The following RIIAD1 variants were observed in gnomAD, a reference collection of about 807,000 sequenced individuals.
RIIAD1 encodes the protein regulatory subunit of type II PKA R-subunit domain containing 1, also known as RIIa domain-containing protein 1.
Under a neutral mutation model 13.3 loss-of-function variants are expected in RIIAD1, and 15 were observed. The observed-to-expected ratio is 1.13, with a 90% CI of 0.76 to 1.74. The LOEUF (loss-of-function observed/expected upper bound fraction) is 1.74, where lower values mean the gene tolerates loss of function less well. Among genes scored for constraint, RIIAD1 ranks in the 40% most tolerant of loss-of-function variants. RIIAD1 has a pLI of 0.00. For missense variants in RIIAD1, 121 were observed against 112.2 expected, an observed-to-expected ratio of 1.08 and a Z score of -0.35; for synonymous variants, 50 against 43.3, an observed-to-expected ratio of 1.16 and a Z score of -0.61.
chr1:151,716,085 C>T, intron 4 of RIIAD1: 1 of 1,507,492 alleles, frequency 6.6e-7, no homozygotes, highest in East Asian at 2.3e-5. Context: ...GGGGAGCTGC[C>T]CAGCAAGGAG....
chr1:151,726,317 C>G (rs61501378), intron 2 of RIIAD1, among the ~76,000 whole-genome samples: 31,947 of 152,208 alleles, frequency 0.21, 3,569 homozygotes, highest in Middle Eastern at 0.3. Flanking sequence ...AAACTAACCT[C>G]TTCCTTTTTA....
rs115951146 is a variant in RIIAD1, at chr1:151,716,211, A to C, written c.21+1682A>C. On this transcript the variant is annotated intron_variant, in intron 4 of 8. Coordinates refer to the RIIAD1 transcript ENST00000326413. The stretch of plus-strand genomic sequence containing the variant: ...AAGGAGGCCCAGGGAGTTGAGTGCT[A>C]GGGGTCAGGGGTCTAGGCAGACGCT... 2,707 of 571,940 alleles carry C rather than the reference A, an allele frequency of 4.7e-3. 60 individuals are homozygous for C. Among genetic ancestry groups the C allele is most frequent in the African/African-American group, 0.046 (2,442 of 53,500 alleles). The allele number at this position is 571,940 out of a possible 1,614,324, so 35.4% of individuals were successfully genotyped here. A position where few individuals can be genotyped will look rare whatever the true frequency, so the allele number is the denominator to read the frequency against.
At chr1:151,722,821 C>T (rs1465780468) in intron 2 of RIIAD1, among the ~76,000 whole-genome samples, 1 of 152,224 alleles carries the variant, frequency 6.6e-6, no homozygotes, top group East Asian at 1.9e-4. Context: ...AAGCTCCGAG[C>T]TTGTGGAGTG....
At chr1:151,713,983 C>T (rs1483052698) in intron 3 of RIIAD1, among the ~76,000 whole-genome samples, 5 of 152,202 alleles carry the variant, frequency 3.3e-5, no homozygotes, top group African/African-American at 1.2e-4. Flanking sequence ...TCTACAATGT[C>T]TGTCCCTGCC....
chr1:151,721,415 A>C (rs1482367092), upstream of RIIAD1: 3 of 464,084 alleles, frequency 6.5e-6, no homozygotes, highest in East Asian at 1.1e-4. Context: ...CCCGGAGCTC[A>C]CCCCTCAGTT....
chr1:151,728,539 T>A lies in RIIAD1; in HGVS notation c.209-227T>A, dbSNP rs2101518366. The A allele has an allele frequency of 9.7e-6, 5 of 512,938 alleles. No homozygotes were observed. In the South Asian group the frequency reaches 1.2e-4, roughly 13 times the overall value. 31.8% of individuals were successfully genotyped at this position (512,938 alleles called of 1,614,324 possible). On this transcript the variant is annotated intron_variant, in intron 3 of 4. Coordinates refer to ENST00000479191, the MANE Select transcript of RIIAD1 (RefSeq NM_001144956.3). Reference sequence around the variant, plus strand: ...CAGCGTGGAGGGGAGGCAGCCAGCCTCTGGGAGCCCTTCCTGGGAATGTTG... The same window carrying A: ...CAGCGTGGAGGGGAGGCAGCCAGCCACTGGGAGCCCTTCCTGGGAATGTTG...
intron 2 of RIIAD1, among the ~76,000 whole-genome samples, chr1:151,723,169 TGGATCACCTGA>T (rs1191177796): frequency 1.3e-5 from 2 of 151,804 alleles, no homozygotes; most frequent in Non-Finnish European, 2.9e-5. Context: ...CCGAGGCGGG[TGGATCACCTGA>T]GGTCGGGAGT....
intron 4 of RIIAD1, chr1:151,714,688 C>T (rs1417869925): frequency 6.4e-7 from 1 of 1,551,402 alleles, no homozygotes; most frequent in Non-Finnish European, 8.7e-7. Context: ...TGAGGAGGGG[C>T]AGGGGCAGAG....
At chr1:151,714,558 T>G in intron 4 of RIIAD1, 1 of 1,507,224 alleles carries the variant, frequency 6.6e-7, no homozygotes, top group Non-Finnish European at 9.0e-7. Context: ...CTATGGCCCT[T>G]CTCAGTCCCC....
At chr1:151,719,784 G>A, upstream of RIIAD1, 2 of 616,948 alleles carry the variant, frequency 3.2e-6, no homozygotes, top group South Asian at 3.8e-5. Flanking sequence ...TTGGGTCATA[G>A]GATGTGATCA....
intron 2 of RIIAD1, among the ~76,000 whole-genome samples, chr1:151,723,294 T>C (rs1673772584): frequency 6.6e-6 from 1 of 152,076 alleles, no homozygotes. Context: ...CTTGAGAGGC[T>C]GAGGCAGGAG....
upstream of RIIAD1, among the ~76,000 whole-genome samples, chr1:151,719,131 T>C (rs1306344364): frequency 6.6e-6 from 1 of 152,216 alleles, no homozygotes; most frequent in African/African-American, 2.4e-5. Flanking sequence ...TTGCTTAGTT[T>C]GTGGTCCCCA....
rs376834008 is a variant in RIIAD1, at chr1:151,715,866, G to A, written c.21+1337G>A. The A allele has an allele frequency of 3.8e-4, 593 of 1,578,632 alleles. 2 individuals are homozygous for A. The highest frequency in any genetic ancestry group is 6.8e-4 in the Middle Eastern group (4 of 5,894). On this transcript the variant is annotated intron_variant, in intron 4 of 8. Coordinates refer to the RIIAD1 transcript ENST00000326413. Reference sequence around the variant, plus strand: ...ACCCCGAAGCCTCTTCAGCCTGCCCGACCCCTCACCCTTGTGCAGCCCGGT... The same window carrying A: ...ACCCCGAAGCCTCTTCAGCCTGCCCAACCCCTCACCCTTGTGCAGCCCGGT...
rs1215128255 is a variant in RIIAD1, at chr1:151,721,598, T to C, written c.62T>C (p.Leu21Pro). 8.4e-6 allele frequency: 11 copies of C among 1,301,830 alleles called. No homozygotes were observed. The highest frequency in any genetic ancestry group is 6.2e-5 in the East Asian group (2 of 32,080). 80.6% of individuals were successfully genotyped at this position (1,301,830 alleles called of 1,614,324 possible). A position where few individuals can be genotyped will look rare whatever the true frequency, so the allele number is the denominator to read the frequency against. ...PDPGALSAAQ[L>P]EQLRKFKIQT... ...CCCGGGGCGCTTAGCGCAGCGCAGC[T>C]GGAGCAGCTGCGAAAATTCAAGGTG... The change falls in exon 1 of 5, where the codon CTG becomes CCG. Residue 21 changes from leucine (L) to proline (P), a missense_variant. Leu to Pro is a moderately conservative substitution (Grantham distance 98). Transcript: ENST00000479191.
At position 151,716,071 on chromosome 1, in the gene RIIAD1, C is replaced by T. The variant is rs538383225; in HGVS notation, c.21+1542C>T. 5.2e-6 allele frequency: 8 copies of T among 1,540,650 alleles called. No individual in the cohort carries two copies. The East Asian group carries it at 1.6e-4, about 31-fold the overall frequency. On this transcript the variant is annotated intron_variant, in intron 4 of 8. Transcript: ENST00000326413. Reference sequence around the variant, plus strand: ...AGGGGAGCAGGGAGAGGCCCAAAGGCCAAGGGGAGCTGCCCAGCAAGGAGA... The same window carrying T: ...AGGGGAGCAGGGAGAGGCCCAAAGGTCAAGGGGAGCTGCCCAGCAAGGAGA...
chr1:151,728,460 A>C, intron 3 of RIIAD1: 1 of 370,406 alleles, frequency 2.7e-6, no homozygotes, highest in East Asian at 5.8e-5. Context: ...CGGAGGAGCA[A>C]ACGGTGCGAC....
rs554213124 is a variant in RIIAD1 at position 151,728,524 on chromosome 1, G to A, written c.209-242G>A. ...GGGTGGGGCCAGGCACAGCGTGGAG[G>A]GGAGGCAGCCAGCCTCTGGGAGCCC... On this transcript the variant is annotated intron_variant, in intron 3 of 4. Transcript: ENST00000479191. The A allele has an allele frequency of 8.3e-4, 415 of 497,582 alleles. 1 individual carries two copies. The highest frequency in any genetic ancestry group is 1.3e-3 in the Non-Finnish European group (355 of 279,218). 30.8% of individuals were successfully genotyped at this position (497,582 alleles called of 1,614,324 possible).
At chr1:151,725,272 G>A (rs1449884520) in intron 2 of RIIAD1, among the ~76,000 whole-genome samples, 2 of 151,544 alleles carry the variant, frequency 1.3e-5, no homozygotes, top group African/African-American at 2.4e-5. Context: ...CACCAGGCCC[G>A]GCTAATTTTT....
At chr1:151,715,186 G>A (rs1353905568) in intron 4 of RIIAD1, among the ~76,000 whole-genome samples, 2 of 152,086 alleles carry the variant, frequency 1.3e-5, no homozygotes, top group African/African-American at 2.4e-5. Flanking sequence ...CCTGTGCCAG[G>A]TGGAGGGGGA....
Sources: gnomAD v4.1 joint callset for allele counts (sites outside exome capture counted in the v4.1 genomes callset) on GRCh38, gnomAD v4.1.1 for gene constraint, MANE v1.5 for transcripts, NCBI Gene and HGNC (gene_info 2026-07-23, HGNC 2026-07-21) for gene names.